Variants in BABAM2 observed in about 807,000 individuals in gnomAD.
BABAM2 encodes the protein BRISC and BRCA1 A complex member 2, also known as BRISC and BRCA1-A complex member 2.
Under a neutral mutation model 54.7 loss-of-function variants are expected in BABAM2, and 31 were observed. The ratio of observed to expected loss-of-function variants is 0.57; its 90% CI spans 0.43 to 0.77. The LOEUF is 0.77. Ranked by LOEUF, BABAM2 falls within the 30% of genes least tolerant of loss-of-function variation. The probability of loss-of-function intolerance (pLI) is 0.00; values close to 1 mark genes in which losing one functional copy is unlikely to be tolerated. For missense variants in BABAM2, 364 were observed against 455.8 expected, an observed-to-expected ratio of 0.80 and a Z score of 1.83; for synonymous variants, 167 against 162.9, an observed-to-expected ratio of 1.03 and a Z score of -0.19.
rs1484645429 is a variant in BABAM2, at chr2:28,027,372, T to C, written c.495+1952T>C. Among the ~76,000 whole-genome samples the C allele has an allele frequency of 2.0e-5, 3 of 152,224 alleles. No individual in the cohort carries two copies. The East Asian group carries it at 5.8e-4, about 29-fold the overall frequency. ...TTTAAGTGTACAGTTAAATGATTTTTAATAAGTTGGCTGATTTGAGCAACC... is the reference window on the plus strand; with the variant it reads ...TTTAAGTGTACAGTTAAATGATTTTCAATAAGTTGGCTGATTTGAGCAACC... On this transcript the variant is annotated intron_variant, in intron 5 of 11. Transcript: ENST00000379624.
intron 10 of BABAM2, among the ~76,000 whole-genome samples, chr2:28,269,222 C>G (rs1685221697): frequency 6.6e-6 from 1 of 152,182 alleles, no homozygotes; most frequent in South Asian, 2.1e-4. Context: ...GGCAAACTGT[C>G]TGTAAATAGT....
At chr2:28,278,526 A>G (rs1232102799) in intron 10 of BABAM2, among the ~76,000 whole-genome samples, 1 of 152,126 alleles carries the variant, frequency 6.6e-6, no homozygotes, top group Admixed American at 6.5e-5. Context: ...AAATTTTAAG[A>G]GTACCAGAAT....
chr2:27,990,076 A>C (rs1050281047), intron 4 of BABAM2, among the ~76,000 whole-genome samples: 5 of 152,168 alleles, frequency 3.3e-5, no homozygotes, highest in African/African-American at 1.2e-4. Flanking sequence ...AAAGCACTAG[A>C]TCTAAGTGAA....
chr2:28,265,261 C>T (rs1684880637), intron 10 of BABAM2, among the ~76,000 whole-genome samples: 2 of 152,098 alleles, frequency 1.3e-5, no homozygotes, highest in South Asian at 4.1e-4. Context: ...CATGGCAAAA[C>T]CCCGTCTCTA....
intron 4 of BABAM2, among the ~76,000 whole-genome samples, chr2:28,010,301 A>G (rs766262141): frequency 6.6e-6 from 1 of 152,164 alleles, no homozygotes; most frequent in Non-Finnish European, 1.5e-5. Flanking sequence ...ATACAAAAAT[A>G]TAGATTCTGT....
intron 7 of BABAM2, among the ~76,000 whole-genome samples, chr2:28,216,640 T>C (rs1431937832): frequency 6.6e-6 from 1 of 152,184 alleles, no homozygotes; most frequent in African/African-American, 2.4e-5. Context: ...TCCATTTCCC[T>C]CCTAGCTTAT....
intron 11 of BABAM2, among the ~76,000 whole-genome samples, chr2:28,317,096 T>C (rs1440093072): frequency 6.6e-6 from 1 of 152,158 alleles, no homozygotes; most frequent in Admixed American, 6.5e-5. Context: ...GCTTTATGCT[T>C]TGACCCTCCT....
At chr2:27,987,800 G>A (rs1450308739) in intron 3 of BABAM2, among the ~76,000 whole-genome samples, 193 bp from the exon 4 acceptor site, 1 of 145,250 alleles carries the variant, frequency 6.9e-6, no homozygotes, top group African/African-American at 2.6e-5. Context: ...GGATGACAAA[G>A]TGAGACCCTG....
At chr2:28,026,842 A>ATTT (rs1558667071) in intron 5 of BABAM2, among the ~76,000 whole-genome samples, 5 of 55,652 alleles carry the variant, frequency 9.0e-5, no homozygotes, top group Admixed American at 2.7e-4. Context: ...AAATATATAT[A>ATTT]AATATATATT....
At chr2:28,023,911 G>A (rs557053872) in intron 4 of BABAM2, among the ~76,000 whole-genome samples, 18 of 152,176 alleles carry the variant, frequency 1.2e-4, no homozygotes, top group Non-Finnish European at 2.5e-4. Context: ...GGTCTGCAAA[G>A]TCAAAACTGT....
intron 10 of BABAM2, among the ~76,000 whole-genome samples, chr2:28,288,451 G>A (rs954937625): frequency 6.6e-6 from 1 of 150,774 alleles, no homozygotes; most frequent in East Asian, 2.0e-4. Flanking sequence ...TCAGCCTCCC[G>A]AGTAGCTAGG....
chr2:27,924,438 G>A (rs1488126840), intron 2 of BABAM2, among the ~76,000 whole-genome samples: 1 of 152,036 alleles, frequency 6.6e-6, no homozygotes, highest in Non-Finnish European at 1.5e-5. Context: ...AGGCTGGAGT[G>A]CAGAGGCATG....
At chr2:27,890,435 C>CG, upstream of BABAM2, 1 of 1,290,616 alleles carries the variant, frequency 7.7e-7, no homozygotes. This position sits in a 1 kb window ranked among gnomAD's most constrained non-coding sequence, Gnocchi z 4.8. Flanking sequence ...CCCTCCCTAA[C>CG]GACGCGGGCC....
rs1558346715 is a variant in BABAM2, at chr2:28,112,147, T to TTCTTTCTTTCTTTCCTTCCC, written c.571-17123_571-17122insCTTTCTTTCTTTCCTTCCCT. 4.0e-3 allele frequency among the ~76,000 whole-genome samples: 21 copies of TTCTTTCTTTCTTTCCTTCCC among 5,248 alleles called. 5 individuals carry two copies. Among genetic ancestry groups the TTCTTTCTTTCTTTCCTTCCC allele is most frequent in the Non-Finnish European group, 5.1e-3 (16 of 3,156 alleles). 3.4% of individuals were successfully genotyped at this position (5,248 alleles called of 152,430 possible). ...TTTCTTTCTTTCTTTCTTTCTTTCT[T>TTCTTTCTTTCTTTCCTTCCC]TACCTCCCTCCCTCCCTCCCTCCCT... On this transcript the variant is annotated intron_variant, in intron 6 of 11. Coordinates refer to ENST00000379624, the MANE Select transcript of BABAM2 (RefSeq NM_199191.3).
At chr2:28,081,058 A>C (rs932908886) in intron 6 of BABAM2, among the ~76,000 whole-genome samples, 8 of 152,190 alleles carry the variant, frequency 5.3e-5, no homozygotes, top group Admixed American at 5.2e-4. Context: ...ATTGCATAGA[A>C]ATATTTCCTT....
intron 4 of BABAM2, among the ~76,000 whole-genome samples, chr2:28,017,726 T>G (rs142292118): frequency 5.9e-5 from 9 of 152,352 alleles, no homozygotes; most frequent in African/African-American, 2.2e-4. Flanking sequence ...AGTCTGTCCC[T>G]ATAGATTTGG....
At position 28,040,294 on chromosome 2, in the gene BABAM2, C is replaced by CTTTTTTTTTTTTTTTTTT. The variant is rs397735161; in HGVS notation, c.496-5424_496-5407dup. Among the ~76,000 whole-genome samples, 269 of 59,492 alleles carry CTTTTTTTTTTTTTTTTTT rather than the reference C, an allele frequency of 4.5e-3. 47 individuals carry two copies. The highest frequency in any genetic ancestry group is 0.013 in the Middle Eastern group (1 of 78). The allele number at this position is 59,492 out of a possible 152,430, so 39.0% of individuals were successfully genotyped here. ...CAGTGCCAGAATGAAAAACTGAATT[C>CTTTTTTTTTTTTTTTTTT]TTTTTTTTTTTTTTTTTTTTTTTTG... On this transcript the variant is annotated intron_variant, in intron 5 of 11. Transcript: ENST00000379624.
chr2:28,082,841 T>G (rs1310959359), intron 6 of BABAM2, among the ~76,000 whole-genome samples: 1 of 152,216 alleles, frequency 6.6e-6, no homozygotes. Context: ...TTCGTTGCTG[T>G]GGAGGCCTCA....
rs569205564 is a variant in BABAM2, at chr2:28,101,671, C to T, written c.571-27600C>T. 2.0e-5 allele frequency among the ~76,000 whole-genome samples: 3 copies of T among 152,106 alleles called. No homozygotes were observed. The East Asian group carries it at 5.8e-4, about 29-fold the overall frequency. ...ACAGTTGTGTTGATTTTTATCTCAC[C>T]CTCTTAGAATTTCTACTGTTTGTGC... On this transcript the variant is annotated intron_variant, in intron 6 of 11. Transcript: ENST00000379624.
Sources: gnomAD v4.1 joint callset for allele counts (sites outside exome capture counted in the v4.1 genomes callset) on GRCh38, gnomAD v4.1.1 for gene constraint, Gnocchi (gnomAD v3.1) non-coding constraint, MANE v1.5 for transcripts, NCBI Gene and HGNC (gene_info 2026-07-23, HGNC 2026-07-21) for gene names.